Variants in GHR observed in about 807,000 individuals in gnomAD.
GHR encodes growth hormone receptor.
A neutral mutation model predicts 67.1 loss-of-function variants in GHR; 35 were observed. The observed-to-expected ratio is 0.52, with a 90% CI of 0.40 to 0.69. The LOEUF (loss-of-function observed/expected upper bound fraction) is 0.69, where lower values mean the gene tolerates loss of function less well. Ranked by LOEUF, GHR falls within the 30% of genes least tolerant of loss-of-function variation. GHR has a pLI of 0.00. For synonymous variants in GHR, 272 were observed against 269.1 expected (o/e 1.01, Z -0.10); for missense variants, 792 against 764.6 (o/e 1.04, Z -0.42).
chr5:42,457,921 T>C (rs1001586736), intron 1 of GHR, among the ~76,000 whole-genome samples: 1 of 152,184 alleles, frequency 6.6e-6, no homozygotes, highest in Non-Finnish European at 1.5e-5. Flanking sequence ...CCTCAGTTTC[T>C]TTGTTGGGAA....
At chr5:42,462,309 T>A (rs1218091007) in intron 1 of GHR, among the ~76,000 whole-genome samples, 1 of 152,218 alleles carries the variant, frequency 6.6e-6, no homozygotes, top group African/African-American at 2.4e-5. Flanking sequence ...GAGTCAGAGA[T>A]AAGTTTAATT....
intron 1 of GHR, among the ~76,000 whole-genome samples, chr5:42,509,053 A>G (rs972656368): frequency 6.6e-6 from 1 of 152,220 alleles, no homozygotes; most frequent in Non-Finnish European, 1.5e-5. Context: ...GCTGACAACA[A>G]ATAAACATCC....
intron 3 of GHR, among the ~76,000 whole-genome samples, chr5:42,662,765 C>A (rs1267955771): frequency 6.6e-6 from 1 of 152,044 alleles, no homozygotes; most frequent in African/African-American, 2.4e-5. Flanking sequence ...CAGAGCAGAA[C>A]TGAAGGAAAT....
At chr5:42,472,924 G>A (rs1745074303) in intron 1 of GHR, among the ~76,000 whole-genome samples, 2 of 151,994 alleles carry the variant, frequency 1.3e-5, no homozygotes, top group African/African-American at 4.8e-5. Flanking sequence ...CCCTTAGGTT[G>A]GTTACTCTAA....
At chr5:42,715,225 A>G in intron 8 of GHR, 1 of 260,808 alleles carries the variant, frequency 3.8e-6, no homozygotes. Context: ...TTATTTGCCC[A>G]TTAAAAACGC....
chr5:42,476,716 C>G (rs1376808715), intron 1 of GHR, among the ~76,000 whole-genome samples: 1 of 152,058 alleles, frequency 6.6e-6, no homozygotes. Context: ...AACAGAAATT[C>G]AAAGGAAAGT....
At chr5:42,709,153 C>T (rs1039282688) in intron 6 of GHR, among the ~76,000 whole-genome samples, 1 of 151,964 alleles carries the variant, frequency 6.6e-6, no homozygotes, top group Non-Finnish European at 1.5e-5. Context: ...TTTTCTCCCC[C>T]CCACAGGATC....
At chr5:42,699,240 G>T (rs952609968) in intron 5 of GHR, among the ~76,000 whole-genome samples, 1 of 152,328 alleles carries the variant, frequency 6.6e-6, no homozygotes, top group Admixed American at 6.5e-5. Context: ...CCAGGTTATA[G>T]TGGTGCAGGC....
chr5:42,583,897 A>ATATATATATATATATATATATATATATAT (rs759855239), intron 2 of GHR, among the ~76,000 whole-genome samples: 2 of 149,442 alleles, frequency 1.3e-5, no homozygotes, highest in Admixed American at 1.3e-4. Context: ...ATATATATAT[A>ATATATATATATATATATATATATATATAT]AATTCTTACA....
chr5:42,569,058 G>A (rs1002234455), intron 2 of GHR, among the ~76,000 whole-genome samples: 1 of 152,174 alleles, frequency 6.6e-6, no homozygotes, highest in African/African-American at 2.4e-5. Context: ...CAGCTGTGGT[G>A]AATTACAGCT....
chr5:42,642,419 C>T (rs1185556117), intron 3 of GHR, among the ~76,000 whole-genome samples: 1 of 152,032 alleles, frequency 6.6e-6, no homozygotes, highest in Non-Finnish European at 1.5e-5. Flanking sequence ...TTTATGATTA[C>T]TTTCTCTACA....
In GHR at chr5:42,516,529, G is replaced by A. The variant is rs139774645; in HGVS notation, c.-11-49335G>A. Reference sequence around the variant, plus strand: ...GCTTCTTAGGGTTGTGTGTGGCTCCGGTAAGATAATACAGGAAAAGAGCTG... The same window carrying A: ...GCTTCTTAGGGTTGTGTGTGGCTCCAGTAAGATAATACAGGAAAAGAGCTG... On this transcript the variant is annotated intron_variant, in intron 1 of 9. Transcript: ENST00000230882. Among the ~76,000 whole-genome samples, 355 of 152,108 alleles carry A rather than the reference G, an allele frequency of 2.3e-3. 2 individuals are homozygous for A. The highest frequency in any genetic ancestry group is 7.1e-3 in the African/African-American group (295 of 41,464).
intron 2 of GHR, among the ~76,000 whole-genome samples, chr5:42,582,437 G>A (rs1032476802): frequency 2.0e-5 from 3 of 152,182 alleles, no homozygotes; most frequent in East Asian, 1.9e-4. Flanking sequence ...GGCAGATGTC[G>A]GGATGACCTG....
rs1242563988 is a variant in GHR at position 42,629,369 on chromosome 5, T to C, written c.136+266T>C. On this transcript the variant is annotated intron_variant, in intron 3 of 9. Coordinates refer to ENST00000230882, the MANE Select transcript of GHR (RefSeq NM_000163.5). ...AGATGTTTGGGTCATGTGGGCAGAT[T>C]CCTCATGAATGGTTTAGCACCCTCC... 3.0e-5 allele frequency among the ~76,000 whole-genome samples: 4 copies of C among 131,674 alleles called. 2 individuals are homozygous for C. Among genetic ancestry groups the C allele is most frequent in the African/African-American group, 1.3e-4 (4 of 31,038 alleles). The allele number at this position is 131,674 out of a possible 152,430, so 86.4% of individuals were successfully genotyped here.
intron 3 of GHR, 128 bp downstream of exon 3, chr5:42,629,231 T>C: frequency 1.6e-6 from 1 of 638,786 alleles, no homozygotes; most frequent in Non-Finnish European, 2.8e-6. Context: ...TGAAATTTTA[T>C]AGGCAAGCAA....
intron 1 of GHR, among the ~76,000 whole-genome samples, chr5:42,519,860 T>C (rs1296926144): frequency 6.6e-6 from 1 of 152,152 alleles, no homozygotes; most frequent in Non-Finnish European, 1.5e-5. Context: ...TAAAAACTGA[T>C]TGTTGAATGA....
chr5:42,715,008 T>G, intron 8 of GHR: 1 of 361,508 alleles, frequency 2.8e-6, no homozygotes, highest in Non-Finnish European at 5.3e-6. Flanking sequence ...TTAACAATAT[T>G]AGGAAGAAAA....
chr5:42,526,817 T>C (rs1035693659), intron 1 of GHR, among the ~76,000 whole-genome samples: 1 of 152,084 alleles, frequency 6.6e-6, no homozygotes, highest in Non-Finnish European at 1.5e-5. Context: ...AGAAAGAATG[T>C]TAAAATCAGC....
At chr5:42,443,801 G>A (rs1689082596) in intron 1 of GHR, among the ~76,000 whole-genome samples, 1 of 152,152 alleles carries the variant, frequency 6.6e-6, no homozygotes, top group African/African-American at 2.4e-5. Flanking sequence ...GCTCTATTAA[G>A]GCATTCAACT....
Sources: allele counts gnomAD v4.1 joint callset (sites outside exome capture counted in the v4.1 genomes callset), GRCh38; gene constraint gnomAD v4.1.1; transcripts MANE v1.5; gene names NCBI Gene and HGNC (gene_info 2026-07-23, HGNC 2026-07-21).